Variants in BICD1 observed in about 807,000 individuals in gnomAD.
BICD1 encodes BICD cargo adaptor 1, also known as protein bicaudal D homolog 1.
Under a neutral mutation model 92.5 loss-of-function variants are expected in BICD1, and 35 were observed. The ratio of observed to expected loss-of-function variants is 0.38; its 90% CI spans 0.29 to 0.50. The LOEUF is 0.50. BICD1 is among the 20% of genes least tolerant of loss of function. The pLI is 0.93. For missense variants in BICD1, 950 were observed against 1,189.8 expected (o/e 0.80, Z 2.97); for synonymous variants, 429 against 465.1 (o/e 0.92, Z 1.00).
At chr12:32,185,001 T>C (rs1944390078) in intron 1 of BICD1, among the ~76,000 whole-genome samples, 1 of 152,190 alleles carries the variant, frequency 6.6e-6, no homozygotes, top group African/African-American at 2.4e-5. Context: ...TTTACCCTTT[T>C]ATGTACCTGG....
At chr12:32,165,240 G>C (rs1043801779) in intron 1 of BICD1, among the ~76,000 whole-genome samples, 2 of 152,214 alleles carry the variant, frequency 1.3e-5, no homozygotes, top group Non-Finnish European at 2.9e-5. Context: ...AGTTGGCCGG[G>C]CGCGGTGGCT....
intron 1 of BICD1, among the ~76,000 whole-genome samples, chr12:32,113,422 C>G (rs1309747935): frequency 1.3e-5 from 2 of 152,168 alleles, no homozygotes; most frequent in African/African-American, 4.8e-5. Flanking sequence ...CTCTCTGTCA[C>G]CCAGGCTGGA....
intron 1 of BICD1, chr12:32,108,355 T>A (rs1941568919): frequency 4.0e-6 from 1 of 251,292 alleles, no homozygotes; most frequent in Non-Finnish European, 7.6e-6. Flanking sequence ...AGTTTTTTGG[T>A]ATTTGGCCTC....
intron 8 of BICD1, among the ~76,000 whole-genome samples, chr12:32,355,414 A>G (rs1939057649): frequency 6.6e-6 from 1 of 152,196 alleles, no homozygotes; most frequent in African/African-American, 2.4e-5. Context: ...AAGAATTATA[A>G]GGCAGGGTCC....
chr12:32,263,490 G>A (rs1402486016), intron 2 of BICD1, among the ~76,000 whole-genome samples: 1 of 150,590 alleles, frequency 6.6e-6, no homozygotes, highest in East Asian at 1.9e-4. Context: ...AGGTTGCAGT[G>A]AGCCAAGATC....
At position 32,164,226 on chromosome 12, in the gene BICD1, A is replaced by G. The variant is rs566503844; in HGVS notation, c.214-52021A>G. Among the ~76,000 whole-genome samples, 46 of 152,348 alleles carry G rather than the reference A, an allele frequency of 3.0e-4. 1 individual carries two copies. Among genetic ancestry groups the G allele is most frequent in the Admixed American group, 5.9e-4 (9 of 15,304 alleles). On this transcript the variant is annotated intron_variant, in intron 1 of 9. Transcript: ENST00000652176. ...ATCATTGAGACTTACAGATTTGTCT[A>G]TTATAGCAGCTTGTGTTAATTATCC...
chr12:32,363,051 A>C (rs1297398477), intron 8 of BICD1, among the ~76,000 whole-genome samples: 1 of 152,150 alleles, frequency 6.6e-6, no homozygotes, highest in Non-Finnish European at 1.5e-5. Flanking sequence ...CAGATAACAA[A>C]TGTAAAGTTT....
chr12:32,155,262 C>T (rs1300107564), intron 1 of BICD1, among the ~76,000 whole-genome samples: 1 of 152,150 alleles, frequency 6.6e-6, no homozygotes, highest in Non-Finnish European at 1.5e-5. Context: ...TACCCAGGGG[C>T]ATTTCAAACT....
At chr12:32,167,065 T>G (rs1204468062) in intron 1 of BICD1, among the ~76,000 whole-genome samples, 1 of 152,252 alleles carries the variant, frequency 6.6e-6, no homozygotes, top group Non-Finnish European at 1.5e-5. Context: ...CCATAACACG[T>G]ATTGCCTTTA....
At chr12:32,131,577 C>T (rs953161451) in intron 1 of BICD1, among the ~76,000 whole-genome samples, 7 of 152,194 alleles carry the variant, frequency 4.6e-5, no homozygotes, top group Non-Finnish European at 8.8e-5. Flanking sequence ...CATCACCTCT[C>T]TGTCCTCTGC....
At chr12:32,254,346 C>T (rs1398038292) in intron 2 of BICD1, among the ~76,000 whole-genome samples, 4 of 151,814 alleles carry the variant, frequency 2.6e-5, no homozygotes, top group East Asian at 3.9e-4. Flanking sequence ...TAATCACTGC[C>T]GTATCCCACC....
At chr12:32,182,224 C>A (rs1195928864) in intron 1 of BICD1, among the ~76,000 whole-genome samples, 4 of 150,900 alleles carry the variant, frequency 2.7e-5, no homozygotes, top group Non-Finnish European at 5.9e-5. Context: ...TCCTATGACA[C>A]AGACCATTGC....
At chr12:32,231,250 A>G (rs1945877515) in intron 2 of BICD1, among the ~76,000 whole-genome samples, 1 of 152,160 alleles carries the variant, frequency 6.6e-6, no homozygotes, top group Non-Finnish European at 1.5e-5. Flanking sequence ...TGGGAGGTCA[A>G]GGTGAGTGGA....
At position 32,327,644 on chromosome 12, in the gene BICD1, C is replaced by T. The variant is rs200717707; in HGVS notation, c.1189C>T (p.Arg397Trp). 8.7e-6 allele frequency: 14 copies of T among 1,613,872 alleles called. No individual in the cohort carries two copies. Among genetic ancestry groups the T allele is most frequent in the South Asian group, 4.4e-5 (4 of 91,056 alleles). Reference protein sequence around the residue: ...LKAELDGEKGRDSGEEAHDYE... With the variant: ...LKAELDGEKGWDSGEEAHDYE... The stretch of plus-strand genomic sequence containing the variant: ...GGCTGAGCTGGACGGGGAGAAGGGC[C>T]GGGACTCAGGGGAGGAGGCCCATGA... The change falls in exon 5 of 10, where the codon CGG (arginine) becomes TGG (tryptophan). Residue 397 changes from arginine (R) to tryptophan (W), a missense_variant. Coordinates refer to ENST00000652176, the MANE Select transcript of BICD1 (RefSeq NM_001714.4).
rs1940167284 is a variant in BICD1 at position 32,381,251 on chromosome 12, A to C, written c.*3624A>C. ...TTCCATGGTATCTTTAAAATTGTTC[A>C]GAATATAGGACTTTTACTAAAAAAA... On this transcript the variant is annotated 3_prime_UTR_variant, in exon 10 of 10. Coordinates refer to ENST00000652176, the MANE Select transcript of BICD1 (RefSeq NM_001714.4). 6.6e-6 allele frequency: 1 copy of C among 152,022 alleles called. No homozygotes were observed. The allele number at this position is 152,022 out of a possible 1,614,324, so 9.4% of individuals were successfully genotyped here.
At chr12:32,285,283 A>G (rs1179485524) in intron 2 of BICD1, among the ~76,000 whole-genome samples, 1 of 152,134 alleles carries the variant, frequency 6.6e-6, no homozygotes. Context: ...CTGTATGTCT[A>G]GCATCCTTGC....
intron 1 of BICD1, among the ~76,000 whole-genome samples, chr12:32,206,132 AT>A (rs1417538241): frequency 6.6e-6 from 1 of 152,170 alleles, no homozygotes; most frequent in Non-Finnish European, 1.5e-5. Flanking sequence ...AAATGTTTGC[AT>A]TTTGGCTGCT....
rs182258902 is a variant in BICD1, at chr12:32,378,780, C to A, written c.*1153C>A. The A allele has an allele frequency of 5.3e-5, 8 of 152,112 alleles. No homozygotes were observed. In the East Asian group the frequency reaches 1.5e-3, roughly 29 times the overall value. The allele number at this position is 152,112 out of a possible 1,614,324, so 9.4% of individuals were successfully genotyped here. ...TGCCAAAAAAACAATAGATAATAAA[C>A]CTTAGCTCATTGTCTACTTTTGACA... On this transcript the variant is annotated 3_prime_UTR_variant, in exon 10 of 10. Transcript: ENST00000652176.
chr12:32,221,345 CAAAAAATA>C (rs1339202242), intron 2 of BICD1, among the ~76,000 whole-genome samples: 1 of 134,498 alleles, frequency 7.4e-6, no homozygotes, highest in Non-Finnish European at 1.5e-5. Flanking sequence ...ATCTGTATCA[CAAAAAATA>C]AAAAAATAAA....
Sources: allele counts gnomAD v4.1 joint callset (sites outside exome capture counted in the v4.1 genomes callset), GRCh38; gene constraint gnomAD v4.1.1; transcripts MANE v1.5; gene names NCBI Gene and HGNC (gene_info 2026-07-23, HGNC 2026-07-21).